NTF3: variants seen among roughly 807,000 people sequenced by gnomAD.
The protein encoded by NTF3 is neurotrophin 3.
Under a neutral mutation model 26.3 loss-of-function variants are expected in NTF3, and 8 were observed. That is an observed-to-expected ratio of 0.30 (90% confidence interval 0.18 to 0.55). The LOEUF (loss-of-function observed/expected upper bound fraction) is 0.55. Ranked by LOEUF, NTF3 falls within the 20% of genes least tolerant of loss-of-function variation. The pLI is 0.93. For missense variants in NTF3, 276 were observed against 352.9 expected (o/e 0.78, Z 1.75); for synonymous variants, 154 against 145.5 (o/e 1.06, Z -0.42).
At chr12:5,434,201 C>G (rs1453577726) in intron 1 of NTF3, among the ~76,000 whole-genome samples, 1 of 152,228 alleles carries the variant, frequency 6.6e-6, no homozygotes, top group Non-Finnish European at 1.5e-5. Flanking sequence ...CCAACCCCCT[C>G]TGCCTTGGGC....
intron 1 of NTF3, among the ~76,000 whole-genome samples, chr12:5,476,071 G>A (rs374578569): frequency 9.2e-5 from 14 of 152,156 alleles, no homozygotes; most frequent in East Asian, 7.7e-4. Flanking sequence ...GTTGGAGAGC[G>A]AGTATGATAA....
intron 1 of NTF3, among the ~76,000 whole-genome samples, chr12:5,470,723 C>T (rs190840276): frequency 9.2e-5 from 14 of 152,310 alleles, no homozygotes; most frequent in Admixed American, 9.2e-4. Context: ...CCCCTCTGCT[C>T]GGCCTGCCCA....
At chr12:5,448,391 A>T (rs1414227929) in intron 1 of NTF3, among the ~76,000 whole-genome samples, 2 of 151,954 alleles carry the variant, frequency 1.3e-5, no homozygotes, top group South Asian at 2.1e-4. Context: ...GGTGGTTGCT[A>T]ATTCTTATTG....
chr12:5,453,198 A>G (rs1940397330), intron 1 of NTF3, among the ~76,000 whole-genome samples: 1 of 152,270 alleles, frequency 6.6e-6, no homozygotes, highest in Non-Finnish European at 1.5e-5. Flanking sequence ...GAATAAATTA[A>G]TAACAATGAT....
chr12:5,454,022 T>C (rs1262739233), intron 1 of NTF3, among the ~76,000 whole-genome samples: 2 of 151,736 alleles, frequency 1.3e-5, no homozygotes, highest in South Asian at 2.1e-4. Context: ...CCCCTGAGAG[T>C]TGGGAAGTGT....
intron 1 of NTF3, among the ~76,000 whole-genome samples, chr12:5,458,670 C>A (rs924078175): frequency 2.0e-5 from 3 of 152,206 alleles, no homozygotes; most frequent in Admixed American, 6.5e-5. Context: ...AGGTGACTAA[C>A]CCTCATTCAC....
At position 5,456,116 on chromosome 12, in the gene NTF3, G is replaced by A. The variant is rs979012361; in HGVS notation, c.18+23774G>A. On this transcript the variant is annotated intron_variant, in intron 1 of 1. Coordinates refer to ENST00000423158, the MANE Select transcript of NTF3 (RefSeq NM_001102654.2). The surrounding 1 kb of genome is among the most constrained non-coding windows in gnomAD (Gnocchi z 4.4). ...TGGTGGGCTGTCAGTCGTCAGCTGA[G>A]GTTGAGCTTTCCTTAGCAGGAGCAC... Among the ~76,000 whole-genome samples the A allele has an allele frequency of 6.6e-6, 1 of 152,228 alleles. No individual in the cohort carries two copies. Among genetic ancestry groups the A allele is most frequent in the African/African-American group, 2.4e-5 (1 of 41,460 alleles).
In NTF3 at chr12:5,495,104, C is replaced by A. The variant is rs1940992530; in HGVS notation, c.*116C>A. 5 of 1,135,094 alleles carry A rather than the reference C, an allele frequency of 4.4e-6. No homozygotes were observed. The highest frequency in any genetic ancestry group is 6.3e-6 in the Non-Finnish European group (5 of 799,242). The allele number at this position is 1,135,094 out of a possible 1,614,324, so 70.3% of individuals were successfully genotyped here. ...AAGTTGACCTTTATTTATTAAACTTCAGCAACCCTACAGTATATAAGCTTT... is the reference window on the plus strand; with the variant it reads ...AAGTTGACCTTTATTTATTAAACTTAAGCAACCCTACAGTATATAAGCTTT... On this transcript the variant is annotated 3_prime_UTR_variant, in exon 2 of 2. Coordinates refer to ENST00000423158, the MANE Select transcript of NTF3 (RefSeq NM_001102654.2).
chr12:5,450,479 T>A (rs958700623), intron 1 of NTF3, among the ~76,000 whole-genome samples: 5 of 152,364 alleles, frequency 3.3e-5, no homozygotes, highest in Admixed American at 2.6e-4. Flanking sequence ...TACAGTGCTA[T>A]TGGTTTAATT....
In NTF3 at chr12:5,456,604, T is replaced by TCCACCC. The variant is rs1024520331; in HGVS notation, c.18+24278_18+24283dup. 5.3e-5 allele frequency among the ~76,000 whole-genome samples: 8 copies of TCCACCC among 151,966 alleles called. No homozygotes were observed. The highest frequency in any genetic ancestry group is 1.2e-4 in the Non-Finnish European group (8 of 67,978). On this transcript the variant is annotated intron_variant, in intron 1 of 1. Coordinates refer to ENST00000423158, the MANE Select transcript of NTF3 (RefSeq NM_001102654.2). This position sits in a 1 kb window ranked among gnomAD's most constrained non-coding sequence, Gnocchi z 4.4. ...TGATCGTGAGCTCTGGGGGTCCTCTTCCACCCCCACCCCCACCCCCAGCCC... is the reference window on the plus strand; with the variant it reads ...TGATCGTGAGCTCTGGGGGTCCTCTTCCACCCCCACCCCCACCCCCACCCCCAGCCC...
intron 1 of NTF3, among the ~76,000 whole-genome samples, chr12:5,481,716 A>G (rs1940804772): frequency 7.4e-6 from 1 of 135,756 alleles, no homozygotes; most frequent in Admixed American, 7.3e-5. Context: ...CACCACACGC[A>G]CACACCACAC....
chr12:5,444,658 C>T (rs1400553332), intron 1 of NTF3, among the ~76,000 whole-genome samples: 1 of 151,854 alleles, frequency 6.6e-6, no homozygotes, highest in African/African-American at 2.4e-5. Flanking sequence ...CGGGAGCCAA[C>T]TGGGAGCTTA....
intron 1 of NTF3, among the ~76,000 whole-genome samples, chr12:5,488,438 C>T (rs1425334302): frequency 6.6e-6 from 1 of 152,076 alleles, no homozygotes; most frequent in East Asian, 1.9e-4. Flanking sequence ...CAGACCAATC[C>T]CCAGCGGAGG....
intron 1 of NTF3, among the ~76,000 whole-genome samples, chr12:5,491,716 C>CTTT (rs5796156): frequency 1.7e-3 from 165 of 98,206 alleles, no homozygotes; most frequent in Non-Finnish European, 2.3e-3. Flanking sequence ...CTCTCCTCTT[C>CTTT]TTTTTTTTTT....
intron 1 of NTF3, among the ~76,000 whole-genome samples, chr12:5,454,694 A>G (rs941775487): frequency 2.0e-5 from 3 of 152,206 alleles, no homozygotes; most frequent in African/African-American, 7.2e-5. Context: ...TCAGCTTTTT[A>G]TGTTTTTAGC....
At chr12:5,446,374 C>T (rs1375229560) in intron 1 of NTF3, among the ~76,000 whole-genome samples, 2 of 152,200 alleles carry the variant, frequency 1.3e-5, no homozygotes, top group African/African-American at 4.8e-5. Flanking sequence ...ATACCCTCCT[C>T]TAGGGTTAGC....
At chr12:5,431,117 C>T (rs972472696), upstream of NTF3, among the ~76,000 whole-genome samples, 11 of 152,052 alleles carry the variant, frequency 7.2e-5, no homozygotes, top group Non-Finnish European at 1.2e-4. Flanking sequence ...GATTTTGACC[C>T]CCTCCCCCTA....
intron 1 of NTF3, among the ~76,000 whole-genome samples, chr12:5,436,743 G>A (rs542081358): frequency 1.1e-4 from 16 of 152,270 alleles, no homozygotes; most frequent in Middle Eastern, 3.4e-3. Context: ...CTCACTCATT[G>A]TGTAAATAAA....
chr12:5,493,506 G>C (rs2121260374), intron 1 of NTF3, among the ~76,000 whole-genome samples: 1 of 152,242 alleles, frequency 6.6e-6, no homozygotes, highest in Admixed American at 6.5e-5. Flanking sequence ...GCGTCCCCGG[G>C]GATGGAGCAG....
Sources: gnomAD v4.1 joint callset for allele counts (sites outside exome capture counted in the v4.1 genomes callset) on GRCh38, gnomAD v4.1.1 for gene constraint, Gnocchi (gnomAD v3.1) non-coding constraint, MANE v1.5 for transcripts, NCBI Gene and HGNC (gene_info 2026-07-23, HGNC 2026-07-21) for gene names.